AFDN: variants seen among roughly 807,000 people sequenced by gnomAD.
AFDN encodes afadin, adherens junction formation factor, also known as afadin.
In AFDN, 68 loss-of-function variants were observed where a neutral mutation model predicts 216.6. That is an observed-to-expected ratio of 0.31 (90% CI 0.26 to 0.38). AFDN has a LOEUF of 0.38. Ranked by LOEUF, AFDN falls within the 10% of genes least tolerant of loss-of-function variation. AFDN has a pLI of 1.00. For synonymous variants in AFDN, 868 were observed against 853.7 expected (o/e 1.02, Z -0.29); for missense variants, 2,136 against 2,342.0 (o/e 0.91, Z 1.82).
chr6:167,959,110 CTT>C (rs1236277575), intron 30 of AFDN, among the ~76,000 whole-genome samples: 2 of 152,248 alleles, frequency 1.3e-5, no homozygotes, highest in Non-Finnish European at 2.9e-5. Context: ...TTGTAGGCCT[CTT>C]TGAGCCACAC....
intron 22 of AFDN, among the ~76,000 whole-genome samples, chr6:167,924,403 G>A (rs569681163): frequency 2.6e-5 from 4 of 152,190 alleles, no homozygotes; most frequent in South Asian, 2.1e-4. Context: ...CTTGCCTTAC[G>A]GTCTGTCAGT....
At chr6:167,904,282 C>A (rs1028473430) in intron 12 of AFDN, among the ~76,000 whole-genome samples, 1 of 151,810 alleles carries the variant, frequency 6.6e-6, no homozygotes, top group Admixed American at 6.6e-5. Flanking sequence ...GATCTCGGCT[C>A]ACTGCAACCA....
rs560810044 is a variant in AFDN at position 167,970,381 on chromosome 6, A to G, written c.*446A>G. The G allele has an allele frequency of 1.1e-4, 27 of 238,174 alleles. No individual in the cohort carries two copies. In the South Asian group the frequency reaches 3.1e-3, roughly 27 times the overall value. The allele number at this position is 238,174 out of a possible 1,614,324, so 14.8% of individuals were successfully genotyped here. A position where few individuals can be genotyped will look rare whatever the true frequency, so the allele number is the denominator to read the frequency against. Reference sequence around the variant, plus strand: ...GAGAATAGCTTGAACTATTCAGACTATTGTTGGCACTGTTTAGTAGTGACC... The same window carrying G: ...GAGAATAGCTTGAACTATTCAGACTGTTGTTGGCACTGTTTAGTAGTGACC... On this transcript the variant is annotated 3_prime_UTR_variant, in exon 34 of 34. Transcript: ENST00000683244.
chr6:167,846,203 C>T lies in AFDN; in HGVS notation c.106-18348C>T, dbSNP rs534436022. Among the ~76,000 whole-genome samples, 14 of 151,930 alleles carry T rather than the reference C, an allele frequency of 9.2e-5. No individual in the cohort carries two copies. In the South Asian group the frequency reaches 1.5e-3, roughly 16 times the overall value. ...AGGTAGCAGTTTATCAGAGCTTGGGCGGTCTTTTTTTTCCTTAAATGAGGT... is the reference window on the plus strand; with the variant it reads ...AGGTAGCAGTTTATCAGAGCTTGGGTGGTCTTTTTTTTCCTTAAATGAGGT... On this transcript the variant is annotated intron_variant, in intron 1 of 33. Coordinates refer to ENST00000683244, the MANE Select transcript of AFDN (RefSeq NM_001386888.1).
At chr6:167,865,744 CA>C (rs1287460131) in intron 2 of AFDN, among the ~76,000 whole-genome samples, 8 of 151,292 alleles carry the variant, frequency 5.3e-5, no homozygotes, top group Non-Finnish European at 1.0e-4. Flanking sequence ...ATGTATAGCA[CA>C]AACCTAATTT....
chr6:167,963,741 GA>G, intron 31 of AFDN: 2 of 1,061,998 alleles, frequency 1.9e-6, no homozygotes, highest in Non-Finnish European at 2.3e-6. Flanking sequence ...GAGCTTTCAG[GA>G]TTAGGTTCCC....
At chr6:167,931,875 A>G (rs1486958331) in intron 23 of AFDN, among the ~76,000 whole-genome samples, 1 of 152,172 alleles carries the variant, frequency 6.6e-6, no homozygotes, top group Non-Finnish European at 1.5e-5. Flanking sequence ...CTTTTCAGTC[A>G]CGCTGCTGCT....
intron 27 of AFDN, among the ~76,000 whole-genome samples, chr6:167,947,346 A>T (rs1795407733): frequency 6.6e-6 from 1 of 151,822 alleles, no homozygotes; most frequent in Admixed American, 6.6e-5. Context: ...CGCCCGGCTA[A>T]TTTTTTGTAT....
At chr6:167,966,639 A>G (rs1397053778) in intron 32 of AFDN, among the ~76,000 whole-genome samples, 2 of 152,114 alleles carry the variant, frequency 1.3e-5, no homozygotes, top group African/African-American at 4.8e-5. Context: ...AGTGCTTTTC[A>G]CACGCTGTAG....
chr6:167,858,404 T>G (rs1434815196), intron 1 of AFDN, among the ~76,000 whole-genome samples: 1 of 152,230 alleles, frequency 6.6e-6, no homozygotes, highest in Non-Finnish European at 1.5e-5. Context: ...ACTGGATGGA[T>G]TTTTGTTAGA....
intron 26 of AFDN, 99 bp downstream of exon 26, chr6:167,944,158 A>G: frequency 1.1e-6 from 1 of 881,236 alleles, no homozygotes; most frequent in Non-Finnish European, 1.8e-6. Context: ...CTATCGCCCC[A>G]GTTTTAAAGA....
chr6:167,838,600 C>G (rs1583100924), intron 1 of AFDN, among the ~76,000 whole-genome samples: 1 of 152,188 alleles, frequency 6.6e-6, no homozygotes, highest in African/African-American at 2.4e-5. Flanking sequence ...ATCTTTATTA[C>G]CAACAGTTCC....
At position 167,971,621 on chromosome 6, in the gene AFDN, T is replaced by C. The variant is rs909747947; in HGVS notation, c.*1686T>C. 1 of 193,160 alleles carries C rather than the reference T, an allele frequency of 5.2e-6. No homozygotes were observed. Among genetic ancestry groups the C allele is most frequent in the African/African-American group, 2.3e-5 (1 of 43,076 alleles). 12.0% of individuals were successfully genotyped at this position (193,160 alleles called of 1,614,324 possible). ...CCTTATGGTGACTAAATCCACACTT[T>C]CTTTAAAGAGATGCAGATGAATTAC... On this transcript the variant is annotated 3_prime_UTR_variant, in exon 34 of 34. Transcript: ENST00000683244.
intron 6 of AFDN, among the ~76,000 whole-genome samples, chr6:167,885,823 A>G (rs1476039384): frequency 1.3e-5 from 2 of 152,262 alleles, no homozygotes; most frequent in Admixed American, 1.3e-4. Flanking sequence ...TAAAGCAACA[A>G]GGTATGCCTG....
At chr6:167,968,539 T>TA (rs1797780248) in intron 32 of AFDN, 1 of 152,666 alleles carries the variant, frequency 6.6e-6, no homozygotes, top group African/African-American at 2.4e-5. Context: ...ATTTGCTAAA[T>TA]AGTTTGAGCA....
intron 1 of AFDN, among the ~76,000 whole-genome samples, chr6:167,834,337 G>A (rs1224773639): frequency 2.0e-5 from 3 of 151,888 alleles, no homozygotes; most frequent in African/African-American, 4.8e-5. Flanking sequence ...ACTTAGGAGC[G>A]AGAACATATG....
intron 23 of AFDN, among the ~76,000 whole-genome samples, chr6:167,934,667 A>T (rs1435097761): frequency 6.6e-6 from 1 of 151,990 alleles, no homozygotes; most frequent in Non-Finnish European, 1.5e-5. Context: ...GGTTGGATTC[A>T]TGATGATTTG....
At chr6:167,847,637 TC>T in intron 1 of AFDN, among the ~76,000 whole-genome samples, 1 of 152,202 alleles carries the variant, frequency 6.6e-6, no homozygotes, top group Non-Finnish European at 1.5e-5. Flanking sequence ...AGCTCTACTT[TC>T]AAAATATTTT....
intron 16 of AFDN, chr6:167,913,667 A>G (rs1790689093): frequency 5.7e-6 from 3 of 530,660 alleles, no homozygotes; most frequent in African/African-American, 1.9e-5. Flanking sequence ...TCTCTTTATT[A>G]TTTATCCTTG....
Sources: allele counts gnomAD v4.1 joint callset (sites outside exome capture counted in the v4.1 genomes callset), GRCh38; gene constraint gnomAD v4.1.1; transcripts MANE v1.5; gene names NCBI Gene and HGNC (gene_info 2026-07-23, HGNC 2026-07-21).